The following UMPS variants were observed in gnomAD, a reference collection of about 807,000 sequenced individuals.
UMPS encodes the protein uridine 5'-monophosphate synthase.
A neutral mutation model predicts 38.9 loss-of-function variants in UMPS; 21 were observed. The observed-to-expected ratio is 0.54, with a 90% CI of 0.38 to 0.78. The LOEUF (loss-of-function observed/expected upper bound fraction) is 0.78, where lower values mean the gene tolerates loss of function less well. Among genes scored for constraint, UMPS ranks in the 30% least tolerant of loss-of-function variants. The pLI, the probability that UMPS is intolerant of heterozygous loss-of-function variation, is 0.00. For missense variants in UMPS, 533 were observed against 591.6 expected (o/e 0.90, Z 1.03); for synonymous variants, 208 against 219.3 (o/e 0.95, Z 0.45).
chr3:124,735,798 A>G (rs2063514182), intron 2 of UMPS, among the ~76,000 whole-genome samples: 1 of 151,972 alleles, frequency 6.6e-6, no homozygotes, highest in Non-Finnish European at 1.5e-5. Flanking sequence ...CCAACGTGGT[A>G]AAACTCCGTC....
rs1579142283 is a variant in UMPS, at chr3:124,746,794, T to TGTGTGTGTGTGTGTGC, written c.*2713_*2714insTGTGTGTGTGTGCGTG. On this transcript the variant is annotated 3_prime_UTR_variant, in exon 6 of 6. Coordinates refer to ENST00000232607, the MANE Select transcript of UMPS (RefSeq NM_000373.4). ...GTGTGTGTGTGTGTGTGTGTGTGTG[T>TGTGTGTGTGTGTGTGC]GTGCATGCGCGCGCGTGCGCACTGG... 1 of 420,882 alleles carries TGTGTGTGTGTGTGTGC rather than the reference T, an allele frequency of 2.4e-6. No homozygotes were observed. Among genetic ancestry groups the TGTGTGTGTGTGTGTGC allele is most frequent in the Non-Finnish European group, 4.7e-6 (1 of 212,544 alleles). The allele number at this position is 420,882 out of a possible 1,614,324, so 26.1% of individuals were successfully genotyped here.
At chr3:124,742,729 AGGATTCGGGTTTAT>A in intron 5 of UMPS, 1 of 171,626 alleles carries the variant, frequency 5.8e-6, no homozygotes, top group South Asian at 1.4e-4. Context: ...GCAAAATTTA[AGGATTCGGGTTTAT>A]GGATAGTCTG....
At position 124,745,679 on chromosome 3, in the gene UMPS, G is replaced by A. The variant is rs2063591463; in HGVS notation, c.*1595G>A. On this transcript the variant is annotated 3_prime_UTR_variant, in exon 6 of 6. Coordinates refer to ENST00000232607, the MANE Select transcript of UMPS (RefSeq NM_000373.4). ...GGAAGAAGTGGCCACAGAAGGAGCA[G>A]GAAGGGAGTTGGCCCTCAGGGCTAC... 6.6e-6 allele frequency: 3 copies of A among 454,026 alleles called. No individual in the cohort carries two copies. The highest frequency in any genetic ancestry group is 6.0e-5 in the African/African-American group (3 of 50,014). The allele number at this position is 454,026 out of a possible 1,614,324, so 28.1% of individuals were successfully genotyped here. A position where few individuals can be genotyped will look rare whatever the true frequency, so the allele number is the denominator to read the frequency against.
intron 3 of UMPS, among the ~76,000 whole-genome samples, chr3:124,739,509 T>G (rs1304288428): frequency 6.6e-6 from 1 of 152,042 alleles, no homozygotes; most frequent in African/African-American, 2.4e-5. Flanking sequence ...TTTTTTTGTA[T>G]TTTTGGTAGA....
chr3:124,738,464 C>A, intron 3 of UMPS: 1 of 534,000 alleles, frequency 1.9e-6, no homozygotes. Flanking sequence ...TCTGCATGCT[C>A]ACCCCAAACC....
At position 124,746,794 on chromosome 3, in the gene UMPS, T is replaced by TGTGTGTGTGTGTGC. The variant is rs1579142283; in HGVS notation, c.*2713_*2714insTGTGTGTGTGCGTG. On this transcript the variant is annotated 3_prime_UTR_variant, in exon 6 of 6. Coordinates refer to ENST00000232607, the MANE Select transcript of UMPS (RefSeq NM_000373.4). ...GTGTGTGTGTGTGTGTGTGTGTGTG[T>TGTGTGTGTGTGTGC]GTGCATGCGCGCGCGTGCGCACTGG... is the stretch of plus-strand genomic sequence containing the variant. 1 of 420,882 alleles carries TGTGTGTGTGTGTGC rather than the reference T, an allele frequency of 2.4e-6. No homozygotes were observed. Among genetic ancestry groups the TGTGTGTGTGTGTGC allele is most frequent in the East Asian group, 7.5e-5 (1 of 13,338 alleles). The allele number at this position is 420,882 out of a possible 1,614,324, so 26.1% of individuals were successfully genotyped here.
chr3:124,745,312 C>G lies in UMPS; in HGVS notation c.*1228C>G. The G allele has an allele frequency of 2.2e-6, 1 of 454,026 alleles. No homozygotes were observed. The highest frequency in any genetic ancestry group is 4.4e-6 in the Non-Finnish European group (1 of 226,772). The allele number at this position is 454,026 out of a possible 1,614,324, so 28.1% of individuals were successfully genotyped here. On this transcript the variant is annotated 3_prime_UTR_variant, in exon 6 of 6. Transcript: ENST00000232607. ...AAGTGGCACAGGATCAGCCATTTCCCCACCCTTGTCAGCTGATGGCCCACT... is the reference window on the plus strand; with the variant it reads ...AAGTGGCACAGGATCAGCCATTTCCGCACCCTTGTCAGCTGATGGCCCACT...
chr3:124,746,802 C>A lies in UMPS; in HGVS notation c.*2718C>A, dbSNP rs201997594. 2 of 351,258 alleles carry A rather than the reference C, an allele frequency of 5.7e-6. No individual in the cohort carries two copies. The highest frequency in any genetic ancestry group is 1.9e-4 in the East Asian group (2 of 10,602). The allele number at this position is 351,258 out of a possible 1,614,324, so 21.8% of individuals were successfully genotyped here. On this transcript the variant is annotated 3_prime_UTR_variant, in exon 6 of 6. Coordinates refer to ENST00000232607, the MANE Select transcript of UMPS (RefSeq NM_000373.4). ...GTGTGTGTGTGTGTGTGTGTGCATGCGCGCGCGTGCGCACTGGAGGAACCT... is the reference window on the plus strand; with the variant it reads ...GTGTGTGTGTGTGTGTGTGTGCATGAGCGCGCGTGCGCACTGGAGGAACCT...
intron 3 of UMPS, chr3:124,738,526 T>C: frequency 2.6e-6 from 1 of 390,190 alleles, no homozygotes; most frequent in Non-Finnish European, 4.8e-6. Context: ...CCTGGGCAAT[T>C]TGCTCTGCAA....
rs769668512 is a variant in UMPS at position 124,730,469 on chromosome 3, A to G, written c.-3A>G. On this transcript the variant is annotated 5_prime_UTR_variant, in exon 1 of 6. Transcript: ENST00000232607. ...ATTTGAAGCAAACAGGCAGCGCGCGACAATGGCGGTCGCTCGTGCAGCTTT... is the reference window on the plus strand; with the variant it reads ...ATTTGAAGCAAACAGGCAGCGCGCGGCAATGGCGGTCGCTCGTGCAGCTTT... The G allele has an allele frequency of 7.4e-6, 12 of 1,613,958 alleles. No homozygotes were observed. Among genetic ancestry groups the G allele is most frequent in the Middle Eastern group, 1.7e-4 (1 of 6,056 alleles).
chr3:124,747,717 G>C lies in UMPS; in HGVS notation c.*3633G>C, dbSNP rs1414356143. ...ACATTTAACTTGCTGCAGCTCTCTGGATCCAGCCTGGTTACCAGGAAGACA... is the reference window on the plus strand; with the variant it reads ...ACATTTAACTTGCTGCAGCTCTCTGCATCCAGCCTGGTTACCAGGAAGACA... On this transcript the variant is annotated 3_prime_UTR_variant, in exon 6 of 6. Coordinates refer to ENST00000232607, the MANE Select transcript of UMPS (RefSeq NM_000373.4). The C allele has an allele frequency of 1.8e-5, 8 of 453,548 alleles. No individual in the cohort carries two copies. Among genetic ancestry groups the C allele is most frequent in the Non-Finnish European group, 3.5e-5 (8 of 226,428 alleles). The allele number at this position is 453,548 out of a possible 1,614,324, so 28.1% of individuals were successfully genotyped here. A position where few individuals can be genotyped will look rare whatever the true frequency, so the allele number is the denominator to read the frequency against.
Position 124,738,210 on chromosome 3 carries a change from T to C in UMPS, c.953T>C (p.Ile318Thr), listed in dbSNP as rs375535366. 8.7e-5 allele frequency: 141 copies of C among 1,613,946 alleles called. 1 individual carries two copies. Among genetic ancestry groups the C allele is most frequent in the Admixed American group, 2.3e-4 (14 of 59,996 alleles). Reference protein sequence around the residue: ...LIFEDRKFADIGNTVKKQYEG... With the variant: ...LIFEDRKFADTGNTVKKQYEG... ...TTTGAAGACCGGAAGTTTGCAGATA[T>C]AGGAAACACAGTGAAAAAGCAGTAT... The change falls in exon 3 of 6, where the codon ATA becomes ACA. Residue 318 changes from isoleucine (I) to threonine (T), a missense_variant. Transcript: ENST00000232607.
rs755724207 is a variant in UMPS at position 124,747,279 on chromosome 3, G to T, written c.*3195G>T. On this transcript the variant is annotated 3_prime_UTR_variant, in exon 6 of 6. Transcript: ENST00000232607. ...CAGCAGAGCCCACACCACTCCAGTT[G>T]CAGTGGTTGCCATCTGGGTCATCAG... 1 of 454,788 alleles carries T rather than the reference G, an allele frequency of 2.2e-6. No homozygotes were observed. Among genetic ancestry groups the T allele is most frequent in the South Asian group, 1.5e-5 (1 of 65,260 alleles). 28.2% of individuals were successfully genotyped at this position (454,788 alleles called of 1,614,324 possible).
intron 4 of UMPS, 37 bp from the exon 5 acceptor site, chr3:124,742,113 ACT>A (rs2063561248): frequency 1.4e-6 from 2 of 1,430,134 alleles, no homozygotes; most frequent in Non-Finnish European, 2.0e-6. Flanking sequence ...TGTGTGATTA[ACT>A]GTTTTCTTAT....
chr3:124,740,469 C>G (rs1358084648), intron 4 of UMPS, among the ~76,000 whole-genome samples: 1 of 152,164 alleles, frequency 6.6e-6, no homozygotes, highest in East Asian at 1.9e-4. Flanking sequence ...CTTACTAAAT[C>G]TACCAGGACT....
In UMPS at chr3:124,748,342, C is replaced by T. The variant is rs779053859; in HGVS notation, c.*4258C>T. 10 of 453,838 alleles carry T rather than the reference C, an allele frequency of 2.2e-5. No homozygotes were observed. The East Asian group carries it at 5.6e-4, about 25-fold the overall frequency. 28.1% of individuals were successfully genotyped at this position (453,838 alleles called of 1,614,324 possible). Reference sequence around the variant, plus strand: ...ATTTTTCTTAGATCATAGGGCCTTTCACATTTGTAATTTGGCCTTGTATGA... The same window carrying T: ...ATTTTTCTTAGATCATAGGGCCTTTTACATTTGTAATTTGGCCTTGTATGA... On this transcript the variant is annotated 3_prime_UTR_variant, in exon 6 of 6. Transcript: ENST00000232607.
intron 1 of UMPS, among the ~76,000 whole-genome samples, chr3:124,734,039 G>A (rs1294026372): frequency 1.3e-5 from 2 of 152,028 alleles, no homozygotes; most frequent in Non-Finnish European, 2.9e-5. Context: ...AAATGGAGAT[G>A]GTGGATATCC....
chr3:124,738,596 C>T (rs1260853466), intron 3 of UMPS: 2 of 234,958 alleles, frequency 8.5e-6, no homozygotes, highest in Non-Finnish European at 1.7e-5. Context: ...GGGATAATTT[C>T]CTTAAAGAAA....
chr3:124,732,149 C>T (rs1038615428), intron 1 of UMPS, among the ~76,000 whole-genome samples: 23 of 152,120 alleles, frequency 1.5e-4, no homozygotes, highest in Non-Finnish European at 2.8e-4. Flanking sequence ...ATAGGAACTG[C>T]CCCTTCTTTT....
Sources: gnomAD v4.1 joint callset for allele counts (sites outside exome capture counted in the v4.1 genomes callset) on GRCh38, gnomAD v4.1.1 for gene constraint, MANE v1.5 for transcripts, NCBI Gene and HGNC (gene_info 2026-07-23, HGNC 2026-07-21) for gene names.